The following LRMDA variants were observed in gnomAD, a reference collection of about 807,000 sequenced individuals.
The protein encoded by LRMDA is leucine rich melanocyte differentiation associated, also known as leucine-rich melanocyte differentiation-associated protein.
Under a neutral mutation model 29.8 loss-of-function variants are expected in LRMDA, and 18 were observed. The observed-to-expected ratio is 0.60, with a 90% CI of 0.42 to 0.90. The LOEUF (loss-of-function observed/expected upper bound fraction) is 0.90, where lower values mean the gene tolerates loss of function less well. Ranked by LOEUF, LRMDA falls within the 40% of genes least tolerant of loss-of-function variation. The pLI, the probability that LRMDA is intolerant of heterozygous loss-of-function variation, is 0.00. For synonymous variants in LRMDA, 125 were observed against 109.4 expected (o/e 1.14, Z -0.89); for missense variants, 273 against 273.9 (o/e 1.00, Z 0.02).
chr10:75,671,165 A>G (rs1035890686), intron 2 of LRMDA, among the ~76,000 whole-genome samples: 3 of 152,224 alleles, frequency 2.0e-5, no homozygotes, highest in African/African-American at 7.2e-5. Flanking sequence ...CAGCATTTCA[A>G]GAGTTTTAAG....
At chr10:76,115,976 G>A (rs938800035) in intron 5 of LRMDA, among the ~76,000 whole-genome samples, 1 of 152,198 alleles carries the variant, frequency 6.6e-6, no homozygotes, top group African/African-American at 2.4e-5. Context: ...GGTCCTCAAT[G>A]CATCAAGTAC....
intron 2 of LRMDA, among the ~76,000 whole-genome samples, chr10:75,820,989 A>G (rs775859014): frequency 6.6e-6 from 1 of 152,208 alleles, no homozygotes; most frequent in Non-Finnish European, 1.5e-5. Context: ...CAGACCAATA[A>G]TGAGTAGTGA....
At chr10:75,471,098 C>T (rs531320871) in intron 2 of LRMDA, among the ~76,000 whole-genome samples, 2 of 152,226 alleles carry the variant, frequency 1.3e-5, no homozygotes, top group South Asian at 2.1e-4. Context: ...ATTACAGTCA[C>T]GTTCTTGGTG....
intron 5 of LRMDA, among the ~76,000 whole-genome samples, chr10:76,166,155 C>A (rs1266331226): frequency 6.6e-6 from 1 of 152,174 alleles, no homozygotes; most frequent in African/African-American, 2.4e-5. Flanking sequence ...ATCCTAACTT[C>A]CACACATATT....
chr10:76,402,012 T>A (rs1233817564), intron 6 of LRMDA, among the ~76,000 whole-genome samples: 1 of 152,012 alleles, frequency 6.6e-6, no homozygotes, highest in African/African-American at 2.4e-5. Context: ...AAGTCATAAG[T>A]ACTATGACTT....
chr10:76,520,670 TATC>T (rs1843109594), intron 6 of LRMDA, among the ~76,000 whole-genome samples: 1 of 152,228 alleles, frequency 6.6e-6, no homozygotes. Flanking sequence ...TAGTGTCATT[TATC>T]TGACATTATT....
At position 76,344,936 on chromosome 10, in the gene LRMDA, A is replaced by AAAAGC. The variant is rs772461393; in HGVS notation, c.601+20453_601+20457dup. ...AAAGAAATCATACAAGTACTGAAAA[A>AAAAGC]AAAGCATAAGATAACTCATAATTCA... On this transcript the variant is annotated intron_variant, in intron 6 of 6. Transcript: ENST00000611255. Among the ~76,000 whole-genome samples the AAAAGC allele has an allele frequency of 2.3e-4, 35 of 152,052 alleles. No homozygotes were observed. The South Asian group carries it at 2.9e-3, about 13-fold the overall frequency.
At chr10:76,224,855 C>T (rs1363312355) in intron 5 of LRMDA, among the ~76,000 whole-genome samples, 2 of 151,852 alleles carry the variant, frequency 1.3e-5, no homozygotes, top group African/African-American at 4.8e-5. Context: ...ATATTGTGTC[C>T]TTCCTTGTCC....
At chr10:76,514,558 C>G (rs143262227) in intron 6 of LRMDA, among the ~76,000 whole-genome samples, 75 of 152,194 alleles carry the variant, frequency 4.9e-4, no homozygotes, top group African/African-American at 1.6e-3. Flanking sequence ...GGAGCAAAAG[C>G]CTTTGGTTTT....
intron 5 of LRMDA, among the ~76,000 whole-genome samples, chr10:76,208,701 G>A (rs866432157): frequency 6.6e-6 from 1 of 152,116 alleles, no homozygotes; most frequent in Non-Finnish European, 1.5e-5. Context: ...TAATCTGTTA[G>A]AGCAGCCATG....
chr10:76,474,385 C>T (rs867235358), intron 6 of LRMDA, among the ~76,000 whole-genome samples: 1 of 151,446 alleles, frequency 6.6e-6, no homozygotes, highest in Non-Finnish European at 1.5e-5. Flanking sequence ...AATTGGACTT[C>T]CTCAAAATTT....
chr10:76,135,637 G>A (rs1433085727), intron 5 of LRMDA, among the ~76,000 whole-genome samples: 2 of 147,842 alleles, frequency 1.4e-5, no homozygotes, highest in African/African-American at 4.9e-5. Flanking sequence ...GCGCTGTGAG[G>A]GAGAATCTAT....
intron 5 of LRMDA, among the ~76,000 whole-genome samples, chr10:76,112,859 G>C (rs911693146): frequency 6.6e-6 from 1 of 152,098 alleles, no homozygotes; most frequent in East Asian, 1.9e-4. Flanking sequence ...TTTGCATTGC[G>C]TTTGTCTGTA....
chr10:75,764,827 CA>C (rs1843141873), intron 2 of LRMDA, among the ~76,000 whole-genome samples: 1 of 152,172 alleles, frequency 6.6e-6, no homozygotes. Context: ...TGGTGGAAAG[CA>C]ATCTGGTTGT....
At chr10:76,427,759 T>C (rs1842144818) in intron 6 of LRMDA, among the ~76,000 whole-genome samples, 1 of 152,330 alleles carries the variant, frequency 6.6e-6, no homozygotes, top group South Asian at 2.1e-4. Context: ...ATAGCTCTTA[T>C]TATTTTGAGA....
At chr10:76,378,915 G>T (rs1269762632) in intron 6 of LRMDA, among the ~76,000 whole-genome samples, 2 of 129,310 alleles carry the variant, frequency 1.5e-5, no homozygotes, top group African/African-American at 6.0e-5. Context: ...GGAGTGCAGT[G>T]GCGCCATTTT....
intron 5 of LRMDA, among the ~76,000 whole-genome samples, chr10:76,182,479 G>T (rs1189897821): frequency 6.6e-6 from 1 of 152,186 alleles, no homozygotes; most frequent in African/African-American, 2.4e-5. Flanking sequence ...GCACCCAATA[G>T]GCACCAATGA....
chr10:76,026,663 G>C (rs1184051987), intron 2 of LRMDA, among the ~76,000 whole-genome samples: 1 of 152,164 alleles, frequency 6.6e-6, no homozygotes, highest in African/African-American at 2.4e-5. Context: ...ATGAGGCATA[G>C]AGTTTAGTGT....
chr10:76,552,631 G>A (rs1477453835), intron 6 of LRMDA, among the ~76,000 whole-genome samples: 2 of 152,218 alleles, frequency 1.3e-5, no homozygotes, highest in Admixed American at 1.3e-4. Context: ...CCTTGCCCTT[G>A]TTTTACAAAT....
Sources: gnomAD v4.1 joint callset for allele counts (sites outside exome capture counted in the v4.1 genomes callset) on GRCh38, gnomAD v4.1.1 for gene constraint, MANE v1.5 for transcripts, NCBI Gene and HGNC (gene_info 2026-07-23, HGNC 2026-07-21) for gene names.